Variants in ZNF407 observed in about 807,000 individuals in gnomAD.
ZNF407 encodes the protein zinc finger protein 407.
A neutral mutation model predicts 131.2 loss-of-function variants in ZNF407; 17 were observed. The observed-to-expected ratio is 0.13, with a 90% CI of 0.09 to 0.19. The LOEUF (loss-of-function observed/expected upper bound fraction) is 0.19, where lower values mean the gene tolerates loss of function less well. Among genes scored for constraint, ZNF407 ranks in the 10% least tolerant of loss-of-function variants. The probability of loss-of-function intolerance (pLI) is 1.00; values close to 1 mark genes in which losing one functional copy is unlikely to be tolerated. For synonymous variants in ZNF407, 1,156 were observed against 1,062.0 expected (o/e 1.09, Z -1.72); for missense variants, 2,681 against 2,830.6 (o/e 0.95, Z 1.20).
Position 74,930,446 on chromosome 18 carries a change from G to A in ZNF407, c.5428+9754G>A, listed in dbSNP as rs375516612. 3.3e-5 allele frequency among the ~76,000 whole-genome samples: 5 copies of A among 152,040 alleles called. No individual in the cohort carries two copies. In the East Asian group the frequency reaches 5.8e-4, roughly 18 times the overall value. On this transcript the variant is annotated intron_variant, in intron 8 of 8. Coordinates refer to ENST00000299687, the MANE Select transcript of ZNF407 (RefSeq NM_017757.3). The stretch of plus-strand genomic sequence containing the variant: ...GAGAGCCTTTCAGACCACGAAAATA[G>A]CCTATTTCTCCCCAGTCATTTGCCC...
chr18:74,805,041 T>C (rs568250383), intron 4 of ZNF407, among the ~76,000 whole-genome samples: 59 of 152,300 alleles, frequency 3.9e-4, no homozygotes, highest in Admixed American at 1.0e-3. Flanking sequence ...AAATTAAAAG[T>C]TACCTTATAA....
chr18:74,819,962 A>G (rs188530911), intron 4 of ZNF407, among the ~76,000 whole-genome samples: 1 of 152,238 alleles, frequency 6.6e-6, no homozygotes, highest in Admixed American at 6.5e-5. Flanking sequence ...AGGGCTCCAT[A>G]GGTAATTATT....
chr18:74,988,167 A>G (rs1270735751), intron 8 of ZNF407, among the ~76,000 whole-genome samples: 1 of 152,228 alleles, frequency 6.6e-6, no homozygotes, highest in Non-Finnish European at 1.5e-5. Flanking sequence ...GGAGGAAGGA[A>G]TGATCTTTTT....
At chr18:74,713,435 T>C (rs999201133) in intron 3 of ZNF407, among the ~76,000 whole-genome samples, 1 of 147,612 alleles carries the variant, frequency 6.8e-6, no homozygotes, top group East Asian at 2.0e-4. Flanking sequence ...GATTAAAACA[T>C]AGTTTCATTT....
At chr18:74,837,485 T>A (rs1003518018) in intron 4 of ZNF407, among the ~76,000 whole-genome samples, 3 of 152,142 alleles carry the variant, frequency 2.0e-5, no homozygotes, top group Non-Finnish European at 4.4e-5. Context: ...TATTGTTACA[T>A]TAAAGCAAGA....
At chr18:74,767,600 AT>A (rs1468064445) in intron 3 of ZNF407, among the ~76,000 whole-genome samples, 3 of 148,202 alleles carry the variant, frequency 2.0e-5, no homozygotes, top group Non-Finnish European at 4.5e-5. Flanking sequence ...ATCTCATGTT[AT>A]TTTCCTGCTA....
chr18:74,793,191 A>G lies in ZNF407; in HGVS notation c.4877+11689A>G, dbSNP rs74755183. 3.3e-3 allele frequency among the ~76,000 whole-genome samples: 497 copies of G among 152,348 alleles called. 3 individuals carry two copies. The highest frequency in any genetic ancestry group is 0.012 in the African/African-American group (491 of 41,578). Reference sequence around the variant, plus strand: ...AATATCTGAAGAAGTGATTAAAAACAAAACAGTTTTGTCAAAAGAATCCAA... The same window carrying G: ...AATATCTGAAGAAGTGATTAAAAACGAAACAGTTTTGTCAAAAGAATCCAA... On this transcript the variant is annotated intron_variant, in intron 4 of 8. Transcript: ENST00000299687.
chr18:74,911,550 T>C (rs1470283904), intron 7 of ZNF407, among the ~76,000 whole-genome samples: 1 of 152,216 alleles, frequency 6.6e-6, no homozygotes, highest in Non-Finnish European at 1.5e-5. Flanking sequence ...TTGTTGTTTT[T>C]TTAAAAGAAG....
chr18:74,632,315 C>T lies in ZNF407; in HGVS notation c.1296C>T (p.Ser432=), dbSNP rs372418170. ...VLGNSFRRRS[S]TFTLKGQAKK... ...GTAATAGCTTTCGTCGACGAAGCAG[C>T]ACTTTCACCTTGAAGGGCCAGGCAA... The change falls in exon 2 of 9, where the codon AGC becomes AGT. Residue 432 remains serine, a synonymous_variant. Coordinates refer to ENST00000299687, the MANE Select transcript of ZNF407 (RefSeq NM_017757.3). The T allele has an allele frequency of 9.9e-6, 16 of 1,613,848 alleles. No individual in the cohort carries two copies. The highest frequency in any genetic ancestry group is 1.7e-5 in the Admixed American group (1 of 60,004).
At chr18:74,616,776 A>G (rs1030134196) in intron 1 of ZNF407, among the ~76,000 whole-genome samples, 250 of 149,000 alleles carry the variant, frequency 1.7e-3, no homozygotes, top group Non-Finnish European at 2.7e-3. Context: ...CACACCACAC[A>G]CATCCATATC....
chr18:75,029,190 G>A (rs971022163), intron 8 of ZNF407, among the ~76,000 whole-genome samples: 6 of 152,138 alleles, frequency 3.9e-5, no homozygotes, highest in African/African-American at 1.2e-4. Flanking sequence ...ATACACAGAC[G>A]TACAAATGCA....
intron 4 of ZNF407, among the ~76,000 whole-genome samples, chr18:74,848,918 A>T (rs1353646069): frequency 6.6e-6 from 1 of 152,206 alleles, no homozygotes; most frequent in Non-Finnish European, 1.5e-5. Context: ...GATTGTCATC[A>T]AAGTCTGTTT....
chr18:74,723,972 A>G (rs1968098641), intron 3 of ZNF407, among the ~76,000 whole-genome samples: 1 of 151,968 alleles, frequency 6.6e-6, no homozygotes, highest in Non-Finnish European at 1.5e-5. Flanking sequence ...GCAGAATCTC[A>G]TTACTTCGTA....
intron 4 of ZNF407, among the ~76,000 whole-genome samples, chr18:74,810,704 A>G (rs1178331196): frequency 6.6e-6 from 1 of 152,146 alleles, no homozygotes; most frequent in Admixed American, 6.5e-5. Context: ...CCGCATATCT[A>G]CAACTATCTG....
At chr18:74,786,268 T>G (rs1335896449) in intron 4 of ZNF407, among the ~76,000 whole-genome samples, 2 of 152,192 alleles carry the variant, frequency 1.3e-5, no homozygotes, top group Non-Finnish European at 2.9e-5. Flanking sequence ...ATTTTATCAT[T>G]GAAATGGGTG....
At chr18:74,943,078 G>C (rs915962529) in intron 8 of ZNF407, among the ~76,000 whole-genome samples, 2 of 151,870 alleles carry the variant, frequency 1.3e-5, no homozygotes, top group African/African-American at 4.8e-5. Flanking sequence ...ACCATGCCTA[G>C]CTGATTTTTT....
In ZNF407 at chr18:74,703,990, A is replaced by G. The variant is rs970874314; in HGVS notation, c.4802+62868A>G. Among the ~76,000 whole-genome samples the G allele has an allele frequency of 4.6e-5, 7 of 151,976 alleles. No individual in the cohort carries two copies. The East Asian group carries it at 9.7e-4, about 21-fold the overall frequency. On this transcript the variant is annotated intron_variant, in intron 3 of 8. Transcript: ENST00000299687. This position sits in a 1 kb window ranked among gnomAD's most constrained non-coding sequence, Gnocchi z 4.1. Reference sequence around the variant, plus strand: ...ATTTTTTTGCATCTCACAGATAGTCATTCATGTCATGAAGTTAATGACATA... The same window carrying G: ...ATTTTTTTGCATCTCACAGATAGTCGTTCATGTCATGAAGTTAATGACATA...
intron 3 of ZNF407, among the ~76,000 whole-genome samples, chr18:74,678,489 C>T (rs532909623): frequency 1.3e-5 from 2 of 152,304 alleles, no homozygotes; most frequent in African/African-American, 4.8e-5. Context: ...AGGTACCCAT[C>T]AGCCTGCTGG....
At chr18:74,943,162 T>A (rs893327351) in intron 8 of ZNF407, among the ~76,000 whole-genome samples, 1 of 152,092 alleles carries the variant, frequency 6.6e-6, no homozygotes, top group Non-Finnish European at 1.5e-5. Flanking sequence ...GCTATCCACC[T>A]GCCTTGGCCT....
Sources: gnomAD v4.1 joint callset for allele counts (sites outside exome capture counted in the v4.1 genomes callset) on GRCh38, gnomAD v4.1.1 for gene constraint, Gnocchi (gnomAD v3.1) non-coding constraint, MANE v1.5 for transcripts, NCBI Gene and HGNC (gene_info 2026-07-23, HGNC 2026-07-21) for gene names.